The following ANOS1 variants were observed in gnomAD, a reference collection of about 807,000 sequenced individuals.
ANOS1 encodes the protein anosmin 1.
ANOS1 carries 6 observed loss-of-function variants against 59.0 expected under a neutral mutation model. That is an observed-to-expected ratio of 0.10 (90% CI 0.06 to 0.20). ANOS1 has a LOEUF of 0.20. Ranked by LOEUF, ANOS1 falls within the 10% of genes least tolerant of loss-of-function variation. ANOS1 has a pLI of 1.00. For synonymous variants in ANOS1, 217 were observed against 223.4 expected, an observed-to-expected ratio of 0.97 and a Z score of 0.25; for missense variants, 433 against 542.3, an observed-to-expected ratio of 0.80 and a Z score of 2.00.
chrX:8,549,452 C>T (rs1403322489), intron 9 of ANOS1, among the ~76,000 whole-genome samples: 1 of 112,327 alleles, frequency 8.9e-6, no homozygotes, highest in East Asian at 2.8e-4. Context: ...TAATAAGATG[C>T]CTAAGTTTTG....
chrX:8,582,229 G>A (rs1014876248), intron 6 of ANOS1, among the ~76,000 whole-genome samples: 5 of 112,396 alleles, frequency 4.4e-5, no homozygotes, highest in African/African-American at 1.6e-4. Context: ...CACGGGCAAC[G>A]TGGATTTGTT....
intron 2 of ANOS1, among the ~76,000 whole-genome samples, chrX:8,624,106 C>T (rs1353749805): frequency 1.7e-4 from 18 of 103,876 alleles, no homozygotes; most frequent in African/African-American, 4.6e-4. Context: ...ACCTCCACCT[C>T]CCAGGTTCAA....
At chrX:8,623,572 G>A in intron 3 of ANOS1, 36 bp downstream of exon 3, 1 of 1,058,005 alleles carries the variant, frequency 9.5e-7, no homozygotes, top group South Asian at 1.9e-5. Flanking sequence ...GTCAGATTTG[G>A]GTCAAGTGTT....
chrX:8,533,518 C>A (rs990640447), intron 13 of ANOS1, among the ~76,000 whole-genome samples: 7 of 112,090 alleles, frequency 6.2e-5, no homozygotes, highest in East Asian at 2.8e-4. Flanking sequence ...GCATACCAAT[C>A]TATCATTTAA....
intron 2 of ANOS1, among the ~76,000 whole-genome samples, chrX:8,681,096 C>G (rs1036480413): frequency 7.2e-5 from 8 of 111,767 alleles, no homozygotes; most frequent in African/African-American, 2.6e-4. Context: ...ACCCCCTTTT[C>G]TTTGTCTATT....
At chrX:8,712,881 C>A (rs6654881) in intron 1 of ANOS1, among the ~76,000 whole-genome samples, 5 of 112,133 alleles carry the variant, frequency 4.5e-5, no homozygotes, top group African/African-American at 1.6e-4. Context: ...CAGGTGTAAC[C>A]AATCTACTTT....
chrX:8,725,653 T>G (rs866379180), intron 1 of ANOS1, among the ~76,000 whole-genome samples: 1 of 29,088 alleles, frequency 3.4e-5, no homozygotes, highest in African/African-American at 3.7e-4. Context: ...TATATACAGA[T>G]ATATATATAT....
intron 13 of ANOS1, 149 bp downstream of exon 13, chrX:8,534,170 A>G (rs1683982799): frequency 1.7e-6 from 1 of 576,363 alleles, no homozygotes; most frequent in African/African-American, 2.3e-5. Flanking sequence ...GTCGGTACAA[A>G]CAGGGAGAAA....
At chrX:8,573,183 C>T (rs1930263461) in intron 6 of ANOS1, among the ~76,000 whole-genome samples, 1 of 108,945 alleles carries the variant, frequency 9.2e-6, no homozygotes, top group African/African-American at 3.4e-5. Flanking sequence ...CCCACCTTGG[C>T]CTCCCAAGTA....
At chrX:8,619,070 C>CAAAAAAAAAAAAAAAA (rs1164164251) in intron 3 of ANOS1, among the ~76,000 whole-genome samples, 12 of 43,968 alleles carry the variant, frequency 2.7e-4, no homozygotes, top group African/African-American at 4.2e-4. Context: ...AAACCTCTCT[C>CAAAAAAAAAAAAAAAA]AAAAAAAAAA....
chrX:8,681,809 T>C (rs141268784), intron 2 of ANOS1, among the ~76,000 whole-genome samples: 66 of 112,146 alleles, frequency 5.9e-4, no homozygotes, highest in African/African-American at 1.7e-3. Context: ...TGACAATTCT[T>C]TGCAAACTGT....
chrX:8,546,330 C>T (rs1392798920), intron 9 of ANOS1, among the ~76,000 whole-genome samples: 2 of 112,280 alleles, frequency 1.8e-5, no homozygotes, highest in Non-Finnish European at 3.8e-5. Context: ...TTTGGACTTC[C>T]CAAAGCTTTC....
Position 8,532,761 on chromosome X carries a change from T to G in ANOS1, c.*234A>C. On this transcript the variant is annotated 3_prime_UTR_variant, in exon 14 of 14. Transcript: ENST00000262648. The stretch of plus-strand genomic sequence containing the variant: ...CAAAATTTAGCATTAAACAGGCCTA[T>G]TCTTCATTTTCTCCATGCTTGTAGG... 1 of 354,388 alleles carries G rather than the reference T, an allele frequency of 2.8e-6. No homozygotes were observed. The highest frequency in any genetic ancestry group is 5.0e-6 in the Non-Finnish European group (1 of 201,733). 29.2% of individuals were successfully genotyped at this position (354,388 alleles called of 1,213,427 possible). A position where few individuals can be genotyped will look rare whatever the true frequency, so the allele number is the denominator to read the frequency against.
In ANOS1 at chrX:8,531,653, C is replaced by T. The variant is rs1465809294; in HGVS notation, c.*1342G>A. On this transcript the variant is annotated 3_prime_UTR_variant, in exon 14 of 14. Transcript: ENST00000262648. The stretch of plus-strand genomic sequence containing the variant: ...AAAACGATTTCTCCAGGGATTCATG[C>T]TCAAGGTATATTCATGTATATGCAT... The T allele has an allele frequency of 1.8e-5, 2 of 111,332 alleles. No individual in the cohort carries two copies. The highest frequency in any genetic ancestry group is 3.8e-5 in the Non-Finnish European group (2 of 53,020). 9.2% of individuals were successfully genotyped at this position (111,332 alleles called of 1,213,427 possible). A position where few individuals can be genotyped will look rare whatever the true frequency, so the allele number is the denominator to read the frequency against.
In ANOS1 at chrX:8,679,534, G is replaced by C. The variant is rs1170347101; in HGVS notation, c.255+20164C>G. On this transcript the variant is annotated intron_variant, in intron 2 of 13. Transcript: ENST00000262648. Reference sequence around the variant, plus strand: ...TTTATGCTTATAATATCCACCTTTAGGGATTTCTTGCAAAAAAAAAAAAAA... The same window carrying C: ...TTTATGCTTATAATATCCACCTTTACGGATTTCTTGCAAAAAAAAAAAAAA... Among the ~76,000 whole-genome samples the C allele has an allele frequency of 4.5e-5, 4 of 88,903 alleles. No individual in the cohort carries two copies. The Admixed American group carries it at 4.9e-4, about 11-fold the overall frequency. The allele number at this position is 88,903 out of a possible 115,157, so 77.2% of individuals were successfully genotyped here.
At chrX:8,669,439 A>G (rs1325595767) in intron 2 of ANOS1, among the ~76,000 whole-genome samples, 1 of 111,218 alleles carries the variant, frequency 9.0e-6, no homozygotes, top group Non-Finnish European at 1.9e-5. Flanking sequence ...TATCACACTA[A>G]TGCAAGATAA....
chrX:8,535,872 T>A, intron 11 of ANOS1, 61 bp from the exon 12 acceptor site: 1 of 962,881 alleles, frequency 1.0e-6, no homozygotes, highest in Admixed American at 2.2e-5. Context: ...GCCCAAGGGA[T>A]CCATTGTAGG....
intron 8 of ANOS1, among the ~76,000 whole-genome samples, chrX:8,567,784 ACT>A (rs1424331567): frequency 2.7e-5 from 3 of 111,150 alleles, no homozygotes; most frequent in African/African-American, 6.6e-5. Flanking sequence ...ACAGAGCTAG[ACT>A]CTGTCTCAAA....
chrX:8,623,124 T>C (rs1205510700), intron 3 of ANOS1, among the ~76,000 whole-genome samples: 2 of 110,830 alleles, frequency 1.8e-5, no homozygotes, highest in East Asian at 5.7e-4. Flanking sequence ...ATCTAACTAA[T>C]AGTTAGCTGA....
Sources: allele counts gnomAD v4.1 joint callset (sites outside exome capture counted in the v4.1 genomes callset), GRCh38; gene constraint gnomAD v4.1.1; transcripts MANE v1.5; gene names NCBI Gene and HGNC (gene_info 2026-07-23, HGNC 2026-07-21).